CTNNA3: variants seen among roughly 807,000 people sequenced by gnomAD.
CTNNA3 encodes the protein catenin alpha-3.
CTNNA3 carries 76 observed loss-of-function variants against 95.7 expected under a neutral mutation model. That is an observed-to-expected ratio of 0.79 (90% CI 0.66 to 0.96). The LOEUF is 0.96. Among genes scored for constraint, CTNNA3 ranks in the 40% least tolerant of loss-of-function variants. CTNNA3 has a pLI of 0.00. For synonymous variants in CTNNA3, 431 were observed against 374.4 expected (o/e 1.15, Z -1.74); for missense variants, 1,191 against 1,089.8 (o/e 1.09, Z -1.31).
chr10:66,459,614 G>C (rs1412617009), intron 11 of CTNNA3, among the ~76,000 whole-genome samples: 8 of 152,106 alleles, frequency 5.3e-5, no homozygotes, highest in Non-Finnish European at 1.5e-5. Flanking sequence ...TATGTTGTTA[G>C]GTGATTTTGT....
intron 5 of CTNNA3, among the ~76,000 whole-genome samples, chr10:67,245,711 A>T: frequency 6.6e-6 from 1 of 152,080 alleles, no homozygotes; most frequent in East Asian, 1.9e-4. Context: ...TACAAAAATT[A>T]GCTGGGCATG....
chr10:66,213,802 A>AGGGT (rs1429733556), intron 13 of CTNNA3, among the ~76,000 whole-genome samples: 2 of 152,182 alleles, frequency 1.3e-5, no homozygotes, highest in Non-Finnish European at 2.9e-5. Context: ...TGTGTAAGAA[A>AGGGT]GGGTAGTAGG....
rs373264153 is a variant in CTNNA3, at chr10:67,760,620, C to G, written c.-2+2814G>C. On this transcript the variant is annotated intron_variant, in intron 1 of 17. Transcript: ENST00000684154. ...GTGGCCTGTTAGGAACCGGGCCACA[C>G]AGCAGGAGGTGAGCGGGTGAGAGAG... is the stretch of plus-strand genomic sequence containing the variant. Among the ~76,000 whole-genome samples the G allele has an allele frequency of 2.7e-5, 4 of 146,964 alleles. No homozygotes were observed. The East Asian group carries it at 6.0e-4, about 22-fold the overall frequency.
At chr10:66,360,724 CT>C in intron 12 of CTNNA3, among the ~76,000 whole-genome samples, 4 of 14,292 alleles carry the variant, frequency 2.8e-4, no homozygotes, top group African/African-American at 4.3e-4. Flanking sequence ...TCCTTTCTTC[CT>C]TTCTTTCTTT....
intron 17 of CTNNA3, among the ~76,000 whole-genome samples, chr10:65,957,218 CT>C (rs2077749794): frequency 6.6e-6 from 1 of 151,888 alleles, no homozygotes; most frequent in South Asian, 2.1e-4. Flanking sequence ...CAACCCCTGC[CT>C]TTTTTTGTTT....
chr10:66,191,994 CCTT>C lies in CTNNA3; in HGVS notation c.1884+88473_1884+88475del, dbSNP rs562584590. On this transcript the variant is annotated intron_variant, in intron 13 of 17. Transcript: ENST00000433211. ...AGTCCCCTGGCCATCCACTCTGTTG[CCTT>C]CTGCCATGAGATGACACATCAAAAA... is the stretch of plus-strand genomic sequence containing the variant. 2.0e-3 allele frequency among the ~76,000 whole-genome samples: 308 copies of C among 152,262 alleles called. 1 individual carries two copies. The highest frequency in any genetic ancestry group is 6.6e-3 in the African/African-American group (275 of 41,562).
At chr10:67,415,615 A>T (rs1845513822) in intron 5 of CTNNA3, among the ~76,000 whole-genome samples, 1 of 152,224 alleles carries the variant, frequency 6.6e-6, no homozygotes, top group Admixed American at 6.5e-5. Flanking sequence ...CAAACTACTA[A>T]TGTCACTGTT....
chr10:67,460,105 T>C (rs1847319829), intron 5 of CTNNA3, among the ~76,000 whole-genome samples: 1 of 152,186 alleles, frequency 6.6e-6, no homozygotes, highest in South Asian at 2.1e-4. Flanking sequence ...TTCATACCAA[T>C]ATTCTTTAAA....
chr10:66,823,962 G>A (rs1286462473), intron 7 of CTNNA3, among the ~76,000 whole-genome samples: 1 of 151,562 alleles, frequency 6.6e-6, no homozygotes, highest in Non-Finnish European at 1.5e-5. Flanking sequence ...TTATGTAACA[G>A]ATAGAAAGGG....
chr10:67,037,074 A>G (rs1199798414), intron 7 of CTNNA3, among the ~76,000 whole-genome samples: 1 of 152,130 alleles, frequency 6.6e-6, no homozygotes, highest in Admixed American at 6.5e-5. Context: ...GAGTGAAGTG[A>G]GCAAGGAAGA....
At chr10:67,270,174 C>G (rs571818241) in intron 5 of CTNNA3, among the ~76,000 whole-genome samples, 44 of 151,556 alleles carry the variant, frequency 2.9e-4, no homozygotes, top group South Asian at 1.0e-3. Context: ...TGATTTGTCC[C>G]TTTTTCGAGT....
chr10:66,684,720 G>A (rs4369292), intron 9 of CTNNA3, among the ~76,000 whole-genome samples: 84,100 of 151,742 alleles, frequency 0.55, 24,034 homozygotes, highest in African/African-American at 0.68. Flanking sequence ...TTCTCTCTTA[G>A]GAATGTTACT....
At chr10:67,095,604 T>A (rs1473421839) in intron 7 of CTNNA3, among the ~76,000 whole-genome samples, 1 of 151,830 alleles carries the variant, frequency 6.6e-6, no homozygotes. Flanking sequence ...GGTTTATTAT[T>A]TTTCATAAAT....
intron 7 of CTNNA3, among the ~76,000 whole-genome samples, chr10:67,078,103 G>A (rs1327883247): frequency 6.6e-6 from 1 of 152,300 alleles, no homozygotes; most frequent in South Asian, 2.1e-4. Flanking sequence ...ACTTCAGTCA[G>A]CTTAACAGCT....
intron 12 of CTNNA3, among the ~76,000 whole-genome samples, chr10:66,312,281 A>G (rs1417750847): frequency 6.6e-6 from 1 of 152,044 alleles, no homozygotes; most frequent in Non-Finnish European, 1.5e-5. Context: ...CGAATCCTAA[A>G]ATTTTCTACA....
chr10:67,164,369 T>C lies in CTNNA3; in HGVS notation c.1047+15948A>G, dbSNP rs892187851. ...AGAAGTAATCCAATGGAGGAACAAA[T>C]AGTGCTAGAGCAACTGGATATCAAT... On this transcript the variant is annotated intron_variant, in intron 7 of 17. Coordinates refer to ENST00000433211, the MANE Select transcript of CTNNA3 (RefSeq NM_013266.4). 5.9e-5 allele frequency among the ~76,000 whole-genome samples: 9 copies of C among 152,170 alleles called. No homozygotes were observed. The East Asian group carries it at 1.7e-3, about 29-fold the overall frequency.
chr10:67,396,118 AG>A (rs1201495844), intron 5 of CTNNA3, among the ~76,000 whole-genome samples: 2 of 152,208 alleles, frequency 1.3e-5, no homozygotes, highest in Non-Finnish European at 2.9e-5. Context: ...GTAACCAAAA[AG>A]AAATAATCAC....
chr10:66,705,154 T>C (rs771157804), intron 9 of CTNNA3, among the ~76,000 whole-genome samples: 2 of 152,130 alleles, frequency 1.3e-5, no homozygotes, highest in Non-Finnish European at 1.5e-5. Flanking sequence ...TTTGTTACTA[T>C]GGTAACCTTA....
chr10:67,089,933 G>C (rs1337393544), intron 7 of CTNNA3, among the ~76,000 whole-genome samples: 1 of 151,866 alleles, frequency 6.6e-6, no homozygotes, highest in Non-Finnish European at 1.5e-5. Flanking sequence ...CACCTGCCTA[G>C]CTATGTTTTA....
Sources: gnomAD v4.1 joint callset for allele counts (sites outside exome capture counted in the v4.1 genomes callset) on GRCh38, gnomAD v4.1.1 for gene constraint, MANE v1.5 for transcripts, NCBI Gene and HGNC (gene_info 2026-07-23, HGNC 2026-07-21) for gene names.